ABCC11: variants seen among roughly 807,000 people sequenced by gnomAD.
ABCC11 encodes the protein ATP-binding cassette sub-family C member 11.
A neutral mutation model predicts 149.3 loss-of-function variants in ABCC11; 135 were observed. The ratio of observed to expected loss-of-function variants is 0.90; its 90% CI spans 0.79 to 1.04. ABCC11 has a LOEUF of 1.04. Among genes scored for constraint, ABCC11 ranks in the 50% least tolerant of loss-of-function variants. The pLI is 0.00. For synonymous variants in ABCC11, 665 were observed against 671.4 expected, an observed-to-expected ratio of 0.99 and a Z score of 0.15; for missense variants, 1,680 against 1,722.1, an observed-to-expected ratio of 0.98 and a Z score of 0.43.
In ABCC11 at chr16:48,177,124, A is replaced by G. The variant is rs1482098403; in HGVS notation, c.3349-11T>C. ...TTCCGAGACACACATCTTGTTTTTG[A>G]AGAAAGAAAAAGAAATCAATAGTTA... On this transcript the variant is annotated splice_polypyrimidine_tract_variant and intron_variant, in intron 24 of 29. Coordinates refer to ENST00000356608, the MANE Select transcript of ABCC11 (RefSeq NM_001370497.1). 5.0e-6 allele frequency: 8 copies of G among 1,607,884 alleles called. No homozygotes were observed. In the South Asian group the frequency reaches 8.9e-5, roughly 18 times the overall value.
chr16:48,235,410 C>T (rs143581582), intron 1 of ABCC11, among the ~76,000 whole-genome samples: 63 of 152,334 alleles, frequency 4.1e-4, no homozygotes, highest in African/African-American at 1.5e-3. Context: ...GTGACTCTTT[C>T]CTATTCAAGA....
rs1180335763 is a variant in ABCC11, at chr16:48,203,264, C to A, written c.1842G>T (p.Arg614=). 6.3e-7 allele frequency: 1 copy of A among 1,584,108 alleles called. No individual in the cohort carries two copies. Among genetic ancestry groups the A allele is most frequent in the Non-Finnish European group, 8.6e-7 (1 of 1,164,432 alleles). Reference sequence around the variant, plus strand: ...CTCCAAAGGGCAGAAGTTCCAGGTCCCGATTCAGGGAGCAGCAGTGGAGCA... The same window carrying A: ...CTCCAAAGGGCAGAAGTTCCAGGTCACGATTCAGGGAGCAGCAGTGGAGCA... The part of the protein sequence containing the change: ...LQVLHCCSLN[R]DLELLPFGDM... The change falls in exon 14 of 30, where the codon CGG becomes CGT. Residue 614 remains arginine (R), a synonymous_variant. Coordinates refer to ENST00000356608, the MANE Select transcript of ABCC11 (RefSeq NM_001370497.1).
In ABCC11 at chr16:48,244,346, G is replaced by C. The variant is rs202189639; in HGVS notation, c.-19+2968C>G. 5.6e-5 allele frequency: 80 copies of C among 1,427,302 alleles called. No homozygotes were observed. In the East Asian group the frequency reaches 7.9e-4, roughly 14 times the overall value. 88.4% of individuals were successfully genotyped at this position (1,427,302 alleles called of 1,614,324 possible). On this transcript the variant is annotated intron_variant, in intron 1 of 29. Transcript: ENST00000356608. ...CGGGGCAGGCCGGGGGCAGCTGTCT[G>C]TCTGGCTCTTTTTGACAGCCCCCAG...
chr16:48,202,884 C>T (rs1200861079), intron 14 of ABCC11, among the ~76,000 whole-genome samples: 1 of 152,048 alleles, frequency 6.6e-6, no homozygotes, highest in Non-Finnish European at 1.5e-5. Flanking sequence ...CAGAAATTTC[C>T]CCTGAGGGTC....
chr16:48,207,192 G>C (rs1035405472), intron 12 of ABCC11, among the ~76,000 whole-genome samples: 1 of 152,154 alleles, frequency 6.6e-6, no homozygotes, highest in African/African-American at 2.4e-5. Context: ...GAAGAAGGGG[G>C]AAGAGATGGC....
At chr16:48,239,452 C>T (rs1047968852) in intron 1 of ABCC11, among the ~76,000 whole-genome samples, 2 of 150,680 alleles carry the variant, frequency 1.3e-5, no homozygotes. Flanking sequence ...GTCCCAGCTA[C>T]TCGGGAGGCT....
rs565101398 is a variant in ABCC11 at position 48,200,482 on chromosome 16, G to A, written c.1879-3C>T. On this transcript the variant is annotated splice_polypyrimidine_tract_variant and splice_region_variant and intron_variant, in intron 14 of 29. Coordinates refer to ENST00000356608, the MANE Select transcript of ABCC11 (RefSeq NM_001370497.1). ...AGGTTGAGGCCCCGCTCTCCAATCT[G>A]CAGACAGGCAGTAAAAGGCACCATG... 8.7e-6 allele frequency: 14 copies of A among 1,613,562 alleles called. No individual in the cohort carries two copies. The highest frequency in any genetic ancestry group is 1.1e-5 in the Non-Finnish European group (13 of 1,179,786).
chr16:48,223,429 T>G (rs1415350208), intron 5 of ABCC11: 1 of 157,388 alleles, frequency 6.4e-6, no homozygotes. Context: ...TCCATTAATG[T>G]GATCCACATT....
rs1596882186 is a variant in ABCC11, at chr16:48,244,247, T to G, written c.-19+3067A>C. ...TAGAGAGCAGCGCGAAGCCATGGCT[T>G]TTGGGCCCGGGGACGGACCGTAGCG... On this transcript the variant is annotated intron_variant, in intron 1 of 29. Transcript: ENST00000356608. 5 of 601,630 alleles carry G rather than the reference T, an allele frequency of 8.3e-6. 1 individual carries two copies. The South Asian group carries it at 1.1e-4, about 13-fold the overall frequency. 37.3% of individuals were successfully genotyped at this position (601,630 alleles called of 1,614,324 possible). A position where few individuals can be genotyped will look rare whatever the true frequency, so the allele number is the denominator to read the frequency against.
chr16:48,170,155 C>T lies in ABCC11; in HGVS notation c.3841G>A (p.Gly1281Arg). Residue 1281 changes from glycine (G) to arginine (R), a missense_variant, in exon 28 of 30, where the codon GGG (glycine) becomes AGG (arginine). Gly to Arg is a moderately radical substitution (Grantham distance 125). Transcript: ENST00000356608. The part of the protein sequence containing the change: ...VVENGGNFSV[G>R]ERQLLCIARA... ...GCAATGCAGAGCAGCTGCCTCTCCC[C>T]CACAGAGAAGTTTCCACCGTTTTCC... 1 of 1,614,128 alleles carries T rather than the reference C, an allele frequency of 6.2e-7. No homozygotes were observed. The highest frequency in any genetic ancestry group is 1.1e-5 in the South Asian group (1 of 91,076).
At chr16:48,232,023 G>C in intron 1 of ABCC11, 84 bp from the exon 2 acceptor site, 2 of 1,583,798 alleles carry the variant, frequency 1.3e-6, no homozygotes, top group Non-Finnish European at 1.7e-6. Flanking sequence ...CCAGAAGAGG[G>C]GGCACTACCC....
At chr16:48,232,465 A>T (rs1324879030) in intron 1 of ABCC11, among the ~76,000 whole-genome samples, 1 of 152,046 alleles carries the variant, frequency 6.6e-6, no homozygotes, top group Non-Finnish European at 1.5e-5. Context: ...AAGAAACATC[A>T]TTTTCCCTGC....
intron 9 of ABCC11, among the ~76,000 whole-genome samples, chr16:48,214,296 C>T (rs1969161391): frequency 6.6e-6 from 1 of 152,050 alleles, no homozygotes; most frequent in South Asian, 2.1e-4. Flanking sequence ...CTGGTGCATG[C>T]CTGAGCCAAG....
intron 20 of ABCC11, 37 bp from the exon 21 acceptor site, chr16:48,187,464 C>A: frequency 6.6e-7 from 1 of 1,525,272 alleles, no homozygotes; most frequent in Admixed American, 1.9e-5. Flanking sequence ...ATGAGAGAAG[C>A]TGCAGGCCCT....
intron 1 of ABCC11, among the ~76,000 whole-genome samples, chr16:48,232,557 A>T (rs1326317390): frequency 1.3e-5 from 2 of 151,980 alleles, no homozygotes; most frequent in African/African-American, 4.8e-5. Flanking sequence ...CTTTTTTTAA[A>T]AAAAAAATAT....
intron 26 of ABCC11, among the ~76,000 whole-genome samples, chr16:48,171,500 T>C (rs1316314008): frequency 1.3e-5 from 2 of 152,248 alleles, no homozygotes; most frequent in African/African-American, 2.4e-5. Flanking sequence ...CCCATTATCA[T>C]GCATGAGTCA....
intron 4 of ABCC11, among the ~76,000 whole-genome samples, chr16:48,226,035 C>G (rs1207634460): frequency 2.0e-5 from 3 of 150,388 alleles, no homozygotes; most frequent in Admixed American, 2.0e-4. Flanking sequence ...ATTGACTTAG[C>G]TGGTTACCTA....
In ABCC11 at chr16:48,244,349, T is replaced by G. The variant is rs769730357; in HGVS notation, c.-19+2965A>C. 4.9e-6 allele frequency: 7 copies of G among 1,441,140 alleles called. No individual in the cohort carries two copies. The East Asian group carries it at 1.6e-4, about 33-fold the overall frequency. The allele number at this position is 1,441,140 out of a possible 1,614,324, so 89.3% of individuals were successfully genotyped here. On this transcript the variant is annotated intron_variant, in intron 1 of 29. Coordinates refer to ENST00000356608, the MANE Select transcript of ABCC11 (RefSeq NM_001370497.1). The stretch of plus-strand genomic sequence containing the variant: ...GGCAGGCCGGGGGCAGCTGTCTGTC[T>G]GGCTCTTTTTGACAGCCCCCAGTGC...
At chr16:48,246,979 G>A (rs1372796825) in intron 1 of ABCC11, among the ~76,000 whole-genome samples, 1 of 22,718 alleles carries the variant, frequency 4.4e-5, no homozygotes, top group Non-Finnish European at 8.7e-5. Flanking sequence ...GATCCTTGAT[G>A]TTCATATTAT....
Sources: gnomAD v4.1 joint callset for allele counts (sites outside exome capture counted in the v4.1 genomes callset) on GRCh38, gnomAD v4.1.1 for gene constraint, MANE v1.5 for transcripts, NCBI Gene and HGNC (gene_info 2026-07-23, HGNC 2026-07-21) for gene names.